PLEKHH1: variants seen among roughly 807,000 people sequenced by gnomAD.
The protein encoded by PLEKHH1 is pleckstrin homology, MyTH4 and FERM domain containing H1.
A neutral mutation model predicts 160.0 loss-of-function variants in PLEKHH1; 104 were observed. The observed-to-expected ratio is 0.65, with a 90% CI of 0.55 to 0.76. PLEKHH1 has a LOEUF of 0.76. PLEKHH1 is among the 30% of genes least tolerant of loss of function. The probability of loss-of-function intolerance (pLI) is 0.00; values close to 1 mark genes in which losing one functional copy is unlikely to be tolerated. For synonymous variants in PLEKHH1, 619 were observed against 678.4 expected, an observed-to-expected ratio of 0.91 and a Z score of 1.36; for missense variants, 1,427 against 1,724.1, an observed-to-expected ratio of 0.83 and a Z score of 3.05.
chr14:67,537,293 G>A (rs1271979201), intron 1 of PLEKHH1, among the ~76,000 whole-genome samples: 5 of 148,164 alleles, frequency 3.4e-5, no homozygotes, highest in Non-Finnish European at 5.9e-5. Context: ...GCAGAGAGCC[G>A]AGATTGCACC....
In PLEKHH1 at chr14:67,582,210, GGTAAGGTTCT is replaced by G. The variant is rs1363492923; in HGVS notation, c.3426+3_3426+12del. 6.2e-7 allele frequency: 1 copy of G among 1,613,684 alleles called. No individual in the cohort carries two copies. The highest frequency in any genetic ancestry group is 1.1e-5 in the South Asian group (1 of 91,052). ...TTGAGATGGCTGCCCTGATGGCCCA[GGTAAGGTTCT>G]GTTCAGGAAGCAGGAGGGTCGGGTT... On this transcript the variant is annotated splice_donor_variant and splice_donor_5th_base_variant and intron_variant, in intron 24 of 28. Coordinates refer to ENST00000329153, the MANE Select transcript of PLEKHH1 (RefSeq NM_020715.3). LOFTEE classifies it high-confidence loss of function. The surrounding 1 kb of genome is among the most constrained non-coding windows in gnomAD (Gnocchi z 5.0).
chr14:67,577,328 CTG>C lies in PLEKHH1; in HGVS notation c.2491_2492del (p.Cys831LeufsTer16). 1 of 1,577,624 alleles carries C rather than the reference CTG, an allele frequency of 6.3e-7. No homozygotes were observed. On this transcript the variant is annotated frameshift_variant, in exon 18 of 29. Transcript: ENST00000329153. LOFTEE classifies it high-confidence loss of function. ...TTCGCCGCTCTGGAGGCACCCCATG[CTG>C]TGCTACAGCAAAGACGGCCTATACG... ...PDSPLWRHPM[L>X]CYSKDGLYAS... is the part of the protein sequence containing the mutation.
intron 7 of PLEKHH1, among the ~76,000 whole-genome samples, chr14:67,563,901 CTGTTT>C (rs1021088566): frequency 5.1e-5 from 3 of 59,268 alleles, no homozygotes; most frequent in African/African-American, 1.5e-4. Flanking sequence ...GCCCGGCTAA[CTGTTT>C]TTTTTTTTTT....
chr14:67,570,280 A>T, intron 9 of PLEKHH1: 1 of 963,376 alleles, frequency 1.0e-6, no homozygotes. Flanking sequence ...ACCTTTTCTC[A>T]TGTCTGCCTC....
intron 15 of PLEKHH1, 29 bp downstream of exon 15, chr14:67,575,501 C>T (rs1330818849): frequency 1.4e-6 from 2 of 1,387,386 alleles, no homozygotes; most frequent in East Asian, 2.4e-5. Flanking sequence ...ACAATACCCA[C>T]TCTCCTGCTT....
intron 2 of PLEKHH1, among the ~76,000 whole-genome samples, chr14:67,551,470 A>AT (rs1453600900): frequency 1.3e-5 from 2 of 151,954 alleles, no homozygotes; most frequent in African/African-American, 4.8e-5. Context: ...ATATATATAT[A>AT]TTTTTTACTG....
intron 28 of PLEKHH1, 175 bp from the exon 29 acceptor site, chr14:67,586,899 C>T: frequency 6.5e-7 from 1 of 1,531,566 alleles, no homozygotes; most frequent in Non-Finnish European, 8.8e-7. Flanking sequence ...GCCCACACCA[C>T]TGGGCCTCTG....
chr14:67,580,127 C>G (rs2035823281), intron 22 of PLEKHH1: 2 of 426,196 alleles, frequency 4.7e-6, no homozygotes, highest in East Asian at 8.8e-5. Flanking sequence ...TGTGCAGCGT[C>G]CAGAAGAAAA....
chr14:67,578,324 C>A lies in PLEKHH1; in HGVS notation c.2751+125C>A. The A allele has an allele frequency of 1.2e-6, 1 of 837,642 alleles. No homozygotes were observed. Among genetic ancestry groups the A allele is most frequent in the Non-Finnish European group, 1.9e-6 (1 of 516,448 alleles). 51.9% of individuals were successfully genotyped at this position (837,642 alleles called of 1,614,324 possible). A position where few individuals can be genotyped will look rare whatever the true frequency, so the allele number is the denominator to read the frequency against. On this transcript the variant is annotated intron_variant, in intron 19 of 28. Coordinates refer to ENST00000329153, the MANE Select transcript of PLEKHH1 (RefSeq NM_020715.3). This position sits in a 1 kb window ranked among gnomAD's most constrained non-coding sequence, Gnocchi z 5.0. The stretch of plus-strand genomic sequence containing the variant: ...CAGCCAGCGGGCAGCCTCTGTGCTC[C>A]AAGCTGCATCAGTACGGCTGAGCTG...
rs2036259763 is a variant in PLEKHH1 at position 67,588,409 on chromosome 14, C to G, written c.*1174C>G. On this transcript the variant is annotated 3_prime_UTR_variant, in exon 29 of 29. Transcript: ENST00000329153. ...GGCCTGGATATGCTCCTTGAGACTT[C>G]TGGCAAACTTCTGCTGGGAATTAGT... The G allele has an allele frequency of 6.6e-6, 1 of 152,520 alleles. No individual in the cohort carries two copies. Among genetic ancestry groups the G allele is most frequent in the Non-Finnish European group, 1.5e-5 (1 of 68,030 alleles). The allele number at this position is 152,520 out of a possible 1,614,324, so 9.4% of individuals were successfully genotyped here.
intron 2 of PLEKHH1, among the ~76,000 whole-genome samples, chr14:67,548,732 A>G (rs954443526): frequency 6.6e-6 from 1 of 152,188 alleles, no homozygotes; most frequent in Non-Finnish European, 1.5e-5. Context: ...GTGACAAAAC[A>G]TTATTCTTTT....
In PLEKHH1 at chr14:67,557,172, G is replaced by A. The variant is rs112172645; in HGVS notation, c.190-97G>A. On this transcript the variant is annotated intron_variant, in intron 3 of 28. Transcript: ENST00000329153. ...GTAAGGGCTGTGCCTGGGAGTCACA[G>A]CCTGGGGCATCAGACGGTGTCCCAT... The A allele has an allele frequency of 4.5e-4, 433 of 970,426 alleles. 3 individuals are homozygous for A. In the African/African-American group the frequency reaches 5.6e-3, roughly 13 times the overall value. The allele number at this position is 970,426 out of a possible 1,614,324, so 60.1% of individuals were successfully genotyped here.
intron 3 of PLEKHH1, 125 bp downstream of exon 3, chr14:67,556,012 A>G: frequency 7.9e-7 from 1 of 1,263,464 alleles, no homozygotes; most frequent in Non-Finnish European, 1.1e-6. Flanking sequence ...TGAACAAATG[A>G]GTGTGCGTGG....
At chr14:67,548,177 C>T (rs750314366) in intron 2 of PLEKHH1, among the ~76,000 whole-genome samples, 1 of 152,200 alleles carries the variant, frequency 6.6e-6, no homozygotes, top group African/African-American at 2.4e-5. Context: ...TCTGAGAGGC[C>T]ACATAAATGG....
intron 1 of PLEKHH1, among the ~76,000 whole-genome samples, chr14:67,538,190 T>A (rs2033816692): frequency 6.6e-6 from 1 of 152,212 alleles, no homozygotes; most frequent in South Asian, 2.1e-4. Context: ...TTTTTGCCAT[T>A]AATGTATTTG....
At chr14:67,556,596 A>G (rs984200295) in intron 3 of PLEKHH1, among the ~76,000 whole-genome samples, 7 of 152,154 alleles carry the variant, frequency 4.6e-5, no homozygotes, top group Admixed American at 3.9e-4. Flanking sequence ...GCTTTTAAAT[A>G]CTTAAGCCCA....
chr14:67,535,064 C>T (rs4902482), intron 1 of PLEKHH1, among the ~76,000 whole-genome samples: 93,966 of 152,016 alleles, frequency 0.62, 29,385 homozygotes, highest in Non-Finnish European at 0.66. Flanking sequence ...CAGATATATA[C>T]TTTGATGTAG....
rs764729437 is a variant in PLEKHH1, at chr14:67,574,761, A to G, written c.2088+358A>G. On this transcript the variant is annotated intron_variant, in intron 14 of 28. Transcript: ENST00000329153. The surrounding 1 kb of genome is among the most constrained non-coding windows in gnomAD (Gnocchi z 4.2). The stretch of plus-strand genomic sequence containing the variant: ...TGGGCGAGGTAGGTATGGCTCCTCA[A>G]AGACTTAAAGTATCCCAGGCCTGCC... Among the ~76,000 whole-genome samples the G allele has an allele frequency of 2.0e-5, 3 of 152,166 alleles. No individual in the cohort carries two copies. Among genetic ancestry groups the G allele is most frequent in the Non-Finnish European group, 2.9e-5 (2 of 68,036 alleles).
Position 67,559,677 on chromosome 14 carries a change from C to T in PLEKHH1, c.409C>T (p.Leu137Phe). ...KAAKIKEWVT[L>F]KLAKLEMENQ... ...TGCAAAGATCAAGGAATGGGTGACA[C>T]TCAAGTTGGCAAAGGTGGGTTGGAA... is the stretch of plus-strand genomic sequence containing the variant. Residue 137 changes from leucine (L) to phenylalanine (F), a missense_variant, in exon 5 of 29, where the codon CTC (leucine) becomes TTC (phenylalanine). Transcript: ENST00000329153. 1.9e-6 allele frequency: 3 copies of T among 1,604,766 alleles called. No individual in the cohort carries two copies. The highest frequency in any genetic ancestry group is 1.7e-6 in the Non-Finnish European group (2 of 1,175,366).
Sources: allele counts gnomAD v4.1 joint callset (sites outside exome capture counted in the v4.1 genomes callset), GRCh38; gene constraint gnomAD v4.1.1; non-coding constraint Gnocchi (gnomAD v3.1); transcripts MANE v1.5; gene names NCBI Gene and HGNC (gene_info 2026-07-23, HGNC 2026-07-21).